The following GCH1 variants were observed in gnomAD, a reference collection of about 807,000 sequenced individuals.
The protein encoded by GCH1 is GTP cyclohydrolase I.
GCH1 carries 5 observed loss-of-function variants against 25.9 expected under a neutral mutation model. The ratio of observed to expected loss-of-function variants is 0.19; its 90% CI spans 0.10 to 0.41. GCH1 has a LOEUF of 0.41. Among genes scored for constraint, GCH1 ranks in the 10% least tolerant of loss-of-function variants. The pLI, the probability that GCH1 is intolerant of heterozygous loss-of-function variation, is 1.00. For missense variants in GCH1, 261 were observed against 336.5 expected, an observed-to-expected ratio of 0.78 and a Z score of 1.75; for synonymous variants, 159 against 129.6, an observed-to-expected ratio of 1.23 and a Z score of -1.54.
At position 54,843,042 on chromosome 14, in the gene GCH1, T is replaced by C. The variant is rs955141614; in HGVS notation, c.*975A>G. The stretch of plus-strand genomic sequence containing the variant: ...TGCTCGTTCAGGTGCGTGGAAGCTA[T>C]GGTTCTGCAGACCTGAAAATGATGG... On this transcript the variant is annotated 3_prime_UTR_variant, in exon 6 of 6. Coordinates refer to ENST00000491895, the MANE Select transcript of GCH1 (RefSeq NM_000161.3). 2 of 950,924 alleles carry C rather than the reference T, an allele frequency of 2.1e-6. No individual in the cohort carries two copies. Among genetic ancestry groups the C allele is most frequent in the Middle Eastern group, 2.1e-4 (1 of 4,798 alleles). The allele number at this position is 950,924 out of a possible 1,614,324, so 58.9% of individuals were successfully genotyped here.
chr14:54,849,045 G>A (rs2039686659), intron 3 of GCH1, among the ~76,000 whole-genome samples: 1 of 152,232 alleles, frequency 6.6e-6, no homozygotes, highest in Non-Finnish European at 1.5e-5. Flanking sequence ...GACAATAGTG[G>A]TAACACTGGG....
chr14:54,850,360 T>A (rs1054171501), intron 3 of GCH1, among the ~76,000 whole-genome samples: 8 of 149,116 alleles, frequency 5.4e-5, no homozygotes, highest in Non-Finnish European at 4.4e-5. Flanking sequence ...TCACCCAGGC[T>A]GGAGTGCAAT....
intron 1 of GCH1, among the ~76,000 whole-genome samples, chr14:54,866,181 A>G (rs1165413488): frequency 6.6e-6 from 1 of 152,116 alleles, no homozygotes; most frequent in Non-Finnish European, 1.5e-5. Context: ...TATGTGCAAA[A>G]GAAAAGATTA....
rs371209631 is a variant in GCH1, at chr14:54,844,014, A to C, written c.*3T>G. ...CAACCAACGCACACACACTGAATGAAGCTCAGCTCCTAATGAGAGTCAGGA... is the reference window on the plus strand; with the variant it reads ...CAACCAACGCACACACACTGAATGACGCTCAGCTCCTAATGAGAGTCAGGA... On this transcript the variant is annotated 3_prime_UTR_variant, in exon 6 of 6. Coordinates refer to ENST00000491895, the MANE Select transcript of GCH1 (RefSeq NM_000161.3). 7 of 1,614,078 alleles carry C rather than the reference A, an allele frequency of 4.3e-6. No homozygotes were observed. The African/African-American group carries it at 9.3e-5, about 22-fold the overall frequency.
At chr14:54,873,313 C>A (rs998749071) in intron 1 of GCH1, among the ~76,000 whole-genome samples, 2 of 152,146 alleles carry the variant, frequency 1.3e-5, no homozygotes, top group Non-Finnish European at 2.9e-5. Context: ...AAAGACACAA[C>A]ATACCAGACT....
Position 54,861,615 on chromosome 14 carries a change from C to T in GCH1, c.454-1879G>A, listed in dbSNP as rs182148815. On this transcript the variant is annotated intron_variant, in intron 2 of 5. Coordinates refer to ENST00000491895, the MANE Select transcript of GCH1 (RefSeq NM_000161.3). ...GCGGGTGCCTGTAATCCCAGCTATT[C>T]GAGAGGCTGAAGCAGAAGAATTGCT... Among the ~76,000 whole-genome samples, 466 of 151,488 alleles carry T rather than the reference C, an allele frequency of 3.1e-3. 1 individual carries two copies. Among genetic ancestry groups the T allele is most frequent in the Non-Finnish European group, 5.3e-3 (363 of 67,874 alleles).
chr14:54,862,601 T>TTTG lies in GCH1; in HGVS notation c.453+2725_453+2726insCAA, dbSNP rs1336688282. Among the ~76,000 whole-genome samples the TTTG allele has an allele frequency of 6.9e-5, 9 of 131,038 alleles. No homozygotes were observed. The Admixed American group carries it at 8.1e-4, about 12-fold the overall frequency. The allele number at this position is 131,038 out of a possible 152,430, so 86.0% of individuals were successfully genotyped here. A position where few individuals can be genotyped will look rare whatever the true frequency, so the allele number is the denominator to read the frequency against. ...TTGGTTGATTGGTTTTCGTTTTTTTTTTTTTTGGTTGGTTTTTTTTTTTTT... is the reference window on the plus strand; with the variant it reads ...TTGGTTGATTGGTTTTCGTTTTTTTTTTGTTTTTTGGTTGGTTTTTTTTTTTTT... On this transcript the variant is annotated intron_variant, in intron 2 of 5. Transcript: ENST00000491895.
intron 1 of GCH1, among the ~76,000 whole-genome samples, chr14:54,874,263 A>G (rs1325681959): frequency 6.6e-6 from 1 of 152,228 alleles, no homozygotes; most frequent in Non-Finnish European, 1.5e-5. Context: ...CTCAATAGTT[A>G]CAGAAAAGTC....
intron 1 of GCH1, chr14:54,878,103 A>T (rs1218059290): frequency 6.5e-6 from 1 of 154,750 alleles, no homozygotes; most frequent in Non-Finnish European, 1.5e-5. Context: ...TCTGCTGTGG[A>T]GAAAGTGAGG....
At chr14:54,846,429 G>A (rs965793250) in intron 4 of GCH1, among the ~76,000 whole-genome samples, 9 of 152,160 alleles carry the variant, frequency 5.9e-5, no homozygotes, top group Non-Finnish European at 1.3e-4. Flanking sequence ...CCAAGCCATG[G>A]CATATACGGT....
chr14:54,896,683 C>A (rs10131563), intron 1 of GCH1, among the ~76,000 whole-genome samples: 1 of 151,476 alleles, frequency 6.6e-6, no homozygotes, highest in Admixed American at 6.6e-5. Context: ...GAGGCCGAGG[C>A]GGGCGGATCA....
intron 1 of GCH1, chr14:54,885,345 G>A: frequency 3.8e-6 from 1 of 260,536 alleles, no homozygotes; most frequent in East Asian, 1.0e-4. Context: ...GATCCACATT[G>A]CTCTGGGGGG....
In GCH1 at chr14:54,844,128, T is replaced by C. The variant is rs757872064; in HGVS notation, c.642A>G (p.Val214=). 3.3e-5 allele frequency: 53 copies of C among 1,611,730 alleles called. No homozygotes were observed. Among genetic ancestry groups the C allele is most frequent in the Non-Finnish European group, 4.5e-5 (53 of 1,177,780 alleles). ...TGTTCATTTTCTGTACACCTCGCATTACCATACACATGTGTCTACAAAATA... is the reference window on the plus strand; with the variant it reads ...TGTTCATTTTCTGTACACCTCGCATCACCATACACATGTGTCTACAAAATA... ...VVVEATHMCM[V]MRGVQKMNSK... Residue 214 remains valine, a synonymous_variant, in exon 6 of 6, where the codon GTA becomes GTG. Transcript: ENST00000491895.
Position 54,843,230 on chromosome 14 carries a change from TAA to T in GCH1, c.*785_*786del, listed in dbSNP as rs1427470645. ...GACTAGTTATTTGCAGTGTGAGTAC[TAA>T]GTCTCATAAAATAATGGCTTTTTTA... On this transcript the variant is annotated 3_prime_UTR_variant, in exon 6 of 6. Coordinates refer to ENST00000491895, the MANE Select transcript of GCH1 (RefSeq NM_000161.3). The T allele has an allele frequency of 3.6e-6, 5 of 1,407,238 alleles. No individual in the cohort carries two copies. Among genetic ancestry groups the T allele is most frequent in the Non-Finnish European group, 4.6e-6 (5 of 1,086,598 alleles). 87.2% of individuals were successfully genotyped at this position (1,407,238 alleles called of 1,614,324 possible). A position where few individuals can be genotyped will look rare whatever the true frequency, so the allele number is the denominator to read the frequency against.
intron 1 of GCH1, among the ~76,000 whole-genome samples, chr14:54,897,010 G>C (rs112215863): frequency 8.7e-6 from 1 of 114,886 alleles, no homozygotes; most frequent in East Asian, 2.6e-4. Context: ...TCCACTTTTT[G>C]TTTTTTTTTT....
At chr14:54,898,863 A>C (rs2040523320) in intron 1 of GCH1, among the ~76,000 whole-genome samples, 1 of 152,206 alleles carries the variant, frequency 6.6e-6, no homozygotes, top group African/African-American at 2.4e-5. Flanking sequence ...ACCTCAAGTA[A>C]TCCGCCCACC....
chr14:54,850,017 C>T (rs2039700817), intron 3 of GCH1, among the ~76,000 whole-genome samples: 1 of 152,056 alleles, frequency 6.6e-6, no homozygotes, highest in Admixed American at 6.5e-5. Context: ...CTCTGTTGCC[C>T]AGGCTGGAGT....
intron 3 of GCH1, among the ~76,000 whole-genome samples, chr14:54,852,732 C>T (rs944041034): frequency 1.3e-5 from 2 of 152,146 alleles, no homozygotes; most frequent in African/African-American, 4.8e-5. Context: ...TTGCAGTCTC[C>T]AAGAACCCAT....
intron 3 of GCH1, among the ~76,000 whole-genome samples, chr14:54,857,115 CTCTT>C (rs1318725031): frequency 9.2e-5 from 14 of 152,160 alleles, no homozygotes; most frequent in African/African-American, 3.1e-4. Context: ...ATTTAATAGA[CTCTT>C]TATTCAAATT....
Sources: allele counts gnomAD v4.1 joint callset (sites outside exome capture counted in the v4.1 genomes callset), GRCh38; gene constraint gnomAD v4.1.1; transcripts MANE v1.5; gene names NCBI Gene and HGNC (gene_info 2026-07-23, HGNC 2026-07-21).